Variants in RNF220 observed in about 807,000 individuals in gnomAD.
RNF220 encodes the protein E3 ubiquitin-protein ligase RNF220.
Under a neutral mutation model 67.1 loss-of-function variants are expected in RNF220, and 7 were observed. The observed-to-expected ratio is 0.10, with a 90% CI of 0.06 to 0.20. The LOEUF (loss-of-function observed/expected upper bound fraction) is 0.20, where lower values mean the gene tolerates loss of function less well. Among genes scored for constraint, RNF220 ranks in the 10% least tolerant of loss-of-function variants. The pLI, the probability that RNF220 is intolerant of heterozygous loss-of-function variation, is 1.00. For synonymous variants in RNF220, 270 were observed against 283.2 expected, an observed-to-expected ratio of 0.95 and a Z score of 0.47; for missense variants, 565 against 740.3, an observed-to-expected ratio of 0.76 and a Z score of 2.75.
intron 2 of RNF220, among the ~76,000 whole-genome samples, chr1:44,566,943 C>T (rs541226372): frequency 4.6e-5 from 7 of 152,314 alleles, no homozygotes; most frequent in East Asian, 1.9e-4. Context: ...CTCGTTATAC[C>T]GGCCCAGGCC....
chr1:44,428,067 T>C (rs1388138167), intron 2 of RNF220, among the ~76,000 whole-genome samples: 3 of 152,212 alleles, frequency 2.0e-5, no homozygotes, highest in African/African-American at 7.2e-5. Context: ...TTTTTCCTTC[T>C]TGGCTTCAGT....
intron 2 of RNF220, among the ~76,000 whole-genome samples, chr1:44,528,501 C>T (rs372385211): frequency 4.0e-5 from 6 of 151,760 alleles, no homozygotes; most frequent in South Asian, 2.1e-4. Flanking sequence ...GGGGTTTCAC[C>T]GTGTTAGCCA....
At chr1:44,576,306 T>G (rs1664800993) in intron 2 of RNF220, among the ~76,000 whole-genome samples, 1 of 152,178 alleles carries the variant, frequency 6.6e-6, no homozygotes, top group Non-Finnish European at 1.5e-5. Flanking sequence ...GAGTGAACTT[T>G]GTTGGTGAAC....
chr1:44,620,963 T>C (rs541970270), intron 3 of RNF220, among the ~76,000 whole-genome samples: 8 of 151,052 alleles, frequency 5.3e-5, no homozygotes, highest in South Asian at 2.1e-4. Context: ...TTGCCCAGGC[T>C]GGAGTACAGT....
chr1:44,486,063 C>T (rs1208223310), intron 2 of RNF220, among the ~76,000 whole-genome samples: 2 of 151,814 alleles, frequency 1.3e-5, no homozygotes, highest in Non-Finnish European at 2.9e-5. Context: ...TTTTTTTGTC[C>T]TTTCTCTGAC....
intron 4 of RNF220, among the ~76,000 whole-genome samples, chr1:44,625,476 T>C (rs572015506): frequency 6.6e-6 from 1 of 152,312 alleles, no homozygotes; most frequent in Admixed American, 6.5e-5. Context: ...TTCTTTGGGC[T>C]GTCACTGGCG....
chr1:44,507,340 A>C (rs973844584), intron 2 of RNF220, among the ~76,000 whole-genome samples: 5 of 152,036 alleles, frequency 3.3e-5, no homozygotes, highest in Non-Finnish European at 7.4e-5. Flanking sequence ...GGAGGCTGAG[A>C]GGATTTGTGT....
At chr1:44,467,184 G>T (rs1654349674) in intron 2 of RNF220, among the ~76,000 whole-genome samples, 1 of 151,990 alleles carries the variant, frequency 6.6e-6, no homozygotes, top group Non-Finnish European at 1.5e-5. Flanking sequence ...ACGTCATGAG[G>T]CAACTTCTGC....
chr1:44,497,338 GACACACAC>G lies in RNF220; in HGVS notation c.625+84636_625+84643del, dbSNP rs10578430. Reference sequence around the variant, plus strand: ...TCTATATGATAATCTCCCCTTCCCTGACACACACACACACACACACACACACAGAGTAT... The same window carrying G: ...TCTATATGATAATCTCCCCTTCCCTGACACACACACACACACACAGAGTAT... On this transcript the variant is annotated intron_variant, in intron 2 of 14. Coordinates refer to ENST00000361799, the MANE Select transcript of RNF220 (RefSeq NM_018150.4). 5.4e-5 allele frequency among the ~76,000 whole-genome samples: 8 copies of G among 148,058 alleles called. No individual in the cohort carries two copies. In the South Asian group the frequency reaches 8.7e-4, roughly 16 times the overall value.
chr1:44,559,230 C>T (rs3850850), intron 2 of RNF220, among the ~76,000 whole-genome samples: 33,182 of 152,212 alleles, frequency 0.22, 3,896 homozygotes, highest in Middle Eastern at 0.28. Context: ...CCCCAGTCCT[C>T]AGCCTTCCAG....
At chr1:44,406,612 C>T (rs920374792) in intron 1 of RNF220, among the ~76,000 whole-genome samples, 7 of 152,276 alleles carry the variant, frequency 4.6e-5, no homozygotes, top group African/African-American at 1.7e-4. Context: ...CGCTTGTCAG[C>T]CCGGGCCGAG....
At chr1:44,457,111 A>G (rs1257560817) in intron 2 of RNF220, among the ~76,000 whole-genome samples, 7 of 151,596 alleles carry the variant, frequency 4.6e-5, no homozygotes, top group Non-Finnish European at 1.0e-4. Context: ...CAAGCTATAT[A>G]TACTCTCCCA....
intron 2 of RNF220, among the ~76,000 whole-genome samples, chr1:44,471,973 T>C (rs1319072671): frequency 6.6e-6 from 1 of 152,220 alleles, no homozygotes; most frequent in Non-Finnish European, 1.5e-5. Flanking sequence ...ATAAAACCTG[T>C]GGCCTTTTGT....
chr1:44,554,812 C>T (rs965315052), intron 2 of RNF220, among the ~76,000 whole-genome samples: 8 of 152,102 alleles, frequency 5.3e-5, no homozygotes, highest in Non-Finnish European at 8.8e-5. Flanking sequence ...CCTTTTCACT[C>T]GTTTTTTGGT....
At chr1:44,457,215 T>C (rs867782064) in intron 2 of RNF220, among the ~76,000 whole-genome samples, 3 of 151,998 alleles carry the variant, frequency 2.0e-5, no homozygotes, top group Middle Eastern at 3.4e-3. Context: ...CAAATAAATA[T>C]AAAATAGTAA....
chr1:44,486,178 C>T (rs1362144842), intron 2 of RNF220, among the ~76,000 whole-genome samples: 2 of 146,762 alleles, frequency 1.4e-5, no homozygotes, highest in Non-Finnish European at 3.0e-5. Flanking sequence ...CCTTTCCTTG[C>T]TTAGCTAAAG....
chr1:44,455,254 C>T lies in RNF220; in HGVS notation c.625+42532C>T, dbSNP rs60167864. ...GATTCCCTTTAGCGAGGGCATAGGA[C>T]ACACCAAAATGCCTCAAGCACAAAA... On this transcript the variant is annotated intron_variant, in intron 2 of 14. Transcript: ENST00000361799. Among the ~76,000 whole-genome samples, 1,115 of 152,162 alleles carry T rather than the reference C, an allele frequency of 7.3e-3. 17 individuals carry two copies. Among genetic ancestry groups the T allele is most frequent in the African/African-American group, 0.026 (1,061 of 41,500 alleles).
chr1:44,631,534 C>A (rs1275613146), intron 5 of RNF220, among the ~76,000 whole-genome samples: 1 of 152,228 alleles, frequency 6.6e-6, no homozygotes, highest in Admixed American at 6.5e-5. Context: ...CCTATGGGAG[C>A]TCCAGGGGCC....
intron 2 of RNF220, among the ~76,000 whole-genome samples, chr1:44,585,136 G>A (rs777212956): frequency 2.4e-4 from 37 of 152,138 alleles, no homozygotes; most frequent in Non-Finnish European, 1.9e-4. Context: ...GTCATCTCCC[G>A]TCTCCTGACT....
Sources: allele counts gnomAD v4.1 joint callset (sites outside exome capture counted in the v4.1 genomes callset), GRCh38; gene constraint gnomAD v4.1.1; transcripts MANE v1.5; gene names NCBI Gene and HGNC (gene_info 2026-07-23, HGNC 2026-07-21).